ZC3H13: variants seen among roughly 807,000 people sequenced by gnomAD.
The protein encoded by ZC3H13 is zinc finger CCCH domain-containing protein 13.
ZC3H13 carries 64 observed loss-of-function variants against 204.1 expected under a neutral mutation model. That is an observed-to-expected ratio of 0.31 (90% CI 0.26 to 0.39). The LOEUF (loss-of-function observed/expected upper bound fraction) is 0.39. Ranked by LOEUF, ZC3H13 falls within the 10% of genes least tolerant of loss-of-function variation. The probability of loss-of-function intolerance (pLI) is 1.00; values close to 1 mark genes in which losing one functional copy is unlikely to be tolerated. For missense variants in ZC3H13, 1,833 were observed against 2,082.7 expected, an observed-to-expected ratio of 0.88 and a Z score of 2.33; for synonymous variants, 667 against 693.7, an observed-to-expected ratio of 0.96 and a Z score of 0.60.
At position 46,015,710 on chromosome 13, in the gene ZC3H13, A is replaced by G. The variant is rs1159438442; in HGVS notation, c.449-4156T>C. ...GTGGGGCCTGGAAATACAAAGAGTAACCAGATAATCAAAAGTTTTATAGGC... is the reference window on the plus strand; with the variant it reads ...GTGGGGCCTGGAAATACAAAGAGTAGCCAGATAATCAAAAGTTTTATAGGC... On this transcript the variant is annotated intron_variant, in intron 5 of 18. Transcript: ENST00000679008. 5.3e-5 allele frequency among the ~76,000 whole-genome samples: 8 copies of G among 152,262 alleles called. No homozygotes were observed. The South Asian group carries it at 1.2e-3, about 24-fold the overall frequency.
intron 7 of ZC3H13, 154 bp downstream of exon 7, chr13:46,010,194 T>C (rs2041448169): frequency 4.1e-6 from 3 of 724,622 alleles, no homozygotes; most frequent in South Asian, 9.6e-5. Context: ...TATAATTGTC[T>C]TTTTAATTGA....
chr13:46,016,078 A>C (rs1362296712), intron 5 of ZC3H13, among the ~76,000 whole-genome samples: 1 of 152,160 alleles, frequency 6.6e-6, no homozygotes, highest in Non-Finnish European at 1.5e-5. Flanking sequence ...ACAGTAAGAT[A>C]CTACTACAAA....
chr13:46,003,372 A>C (rs752278668), intron 7 of ZC3H13, 36 bp from the exon 8 acceptor site: 9 of 1,569,480 alleles, frequency 5.7e-6, no homozygotes, highest in South Asian at 1.2e-5. Flanking sequence ...AGAGGTTCAA[A>C]TATGCCAAAA....
Position 45,980,009 on chromosome 13 carries a change from AC to A in ZC3H13, c.1721-6del, listed in dbSNP as rs1408376963. 1 of 1,589,500 alleles carries A rather than the reference AC, an allele frequency of 6.3e-7. No homozygotes were observed. The highest frequency in any genetic ancestry group is 2.3e-5 in the East Asian group (1 of 44,188). ...AACCTCTTGAGCCTCGACTTCCTAA[AC>A]AAAGGATAGACACACAAATGTTTAC... On this transcript the variant is annotated splice_region_variant and splice_polypyrimidine_tract_variant and intron_variant, in intron 10 of 18. Coordinates refer to ENST00000679008, the MANE Select transcript of ZC3H13 (RefSeq NM_001330564.2).
chr13:46,010,471 G>A lies in ZC3H13; in HGVS notation c.623C>T (p.Pro208Leu), dbSNP rs201401739. 48 of 1,613,356 alleles carry A rather than the reference G, an allele frequency of 3.0e-5. No individual in the cohort carries two copies. Among genetic ancestry groups the A allele is most frequent in the East Asian group, 6.7e-5 (3 of 44,876 alleles). The change falls in exon 7 of 19, where the codon CCG becomes CTG. Residue 208 changes from proline (P) to leucine (L), a missense_variant. Physicochemically the swap from Pro to Leu is moderately conservative, Grantham distance 98 (BLOSUM62 -3). Transcript: ENST00000679008. ...SPEVVRSKLS[P>L]SPSLRKSSKS... ...GCTAGACTTTCTTAGAGAAGGTGAC[G>A]GGGACAATTTTGATCTAACCACTTC...
chr13:46,027,906 C>CA (rs2042638988), intron 4 of ZC3H13, among the ~76,000 whole-genome samples: 1 of 151,942 alleles, frequency 6.6e-6, no homozygotes, highest in Non-Finnish European at 1.5e-5. Context: ...CAAGTGAGAA[C>CA]AAAAACAGGA....
intron 7 of ZC3H13, among the ~76,000 whole-genome samples, chr13:46,008,680 T>TG (rs2041330973): frequency 6.6e-6 from 1 of 152,080 alleles, no homozygotes; most frequent in Admixed American, 6.6e-5. Context: ...TGCAGTTTAT[T>TG]GGGGAAATGA....
intron 8 of ZC3H13, among the ~76,000 whole-genome samples, chr13:45,989,567 C>T (rs2039820269): frequency 2.6e-5 from 4 of 152,120 alleles, no homozygotes. Flanking sequence ...ACAAAAAGTC[C>T]ACGCTGCATG....
intron 4 of ZC3H13, among the ~76,000 whole-genome samples, chr13:46,039,765 C>T (rs2043448784): frequency 6.6e-6 from 1 of 152,130 alleles, no homozygotes; most frequent in Non-Finnish European, 1.5e-5. Context: ...AGGTTATTTA[C>T]ATTTTGTGTG....
At chr13:46,037,120 T>C (rs1175981213) in intron 4 of ZC3H13, among the ~76,000 whole-genome samples, 1 of 152,148 alleles carries the variant, frequency 6.6e-6, no homozygotes, top group Non-Finnish European at 1.5e-5. Flanking sequence ...AAATGAATGG[T>C]GGTATCAGTT....
intron 4 of ZC3H13, among the ~76,000 whole-genome samples, chr13:46,039,986 T>C (rs1315966668): frequency 6.6e-6 from 1 of 152,144 alleles, no homozygotes; most frequent in African/African-American, 2.4e-5. Context: ...GCATCTGTTA[T>C]TCTGAATCAA....
chr13:46,027,800 G>C (rs2042632892), intron 4 of ZC3H13, among the ~76,000 whole-genome samples: 2 of 152,042 alleles, frequency 1.3e-5, no homozygotes, highest in South Asian at 4.1e-4. Flanking sequence ...AAAAAAAGTA[G>C]AAAGAAGTAT....
intron 4 of ZC3H13, among the ~76,000 whole-genome samples, chr13:46,027,899 G>A (rs1184672126): frequency 6.6e-6 from 1 of 152,156 alleles, no homozygotes; most frequent in Admixed American, 6.5e-5. Flanking sequence ...CACAAAACAA[G>A]TGAGAACAAA....
intron 17 of ZC3H13, chr13:45,963,205 T>C: frequency 2.0e-6 from 2 of 983,724 alleles, no homozygotes; most frequent in Non-Finnish European, 2.4e-6. Context: ...GTGTGCCTAC[T>C]GAAATCCAGA....
chr13:46,016,282 G>T (rs2041903745), intron 5 of ZC3H13, among the ~76,000 whole-genome samples: 1 of 152,064 alleles, frequency 6.6e-6, no homozygotes, highest in Non-Finnish European at 1.5e-5. Flanking sequence ...TTTAAGAATA[G>T]TAATAGCACC....
intron 8 of ZC3H13, among the ~76,000 whole-genome samples, chr13:45,995,788 T>G (rs1477193570): frequency 6.6e-6 from 1 of 152,220 alleles, no homozygotes; most frequent in Non-Finnish European, 1.5e-5. Flanking sequence ...TGCAGAACCA[T>G]GAGCCAATTA....
intron 11 of ZC3H13, chr13:45,976,132 A>C (rs1953029317): frequency 1.0e-6 from 1 of 965,854 alleles, no homozygotes; most frequent in African/African-American, 1.9e-5. Context: ...TCCCTACCCT[A>C]CCTCCAGCCC....
rs776668848 is a variant in ZC3H13 at position 45,985,617 on chromosome 13, C to T, written c.1400G>A (p.Arg467Gln). ...GTCTCTGGAGTCTCTTAGTTCCCTT[C>T]GGTCCCTAGTATCTCTGGCATCTCT... The part of the protein sequence containing the change: ...DRRDARDTRD[R>Q]RELRDSRDMR... The change falls in exon 10 of 19, where the codon CGA becomes CAA. Residue 467 changes from arginine to glutamine, a missense_variant. By Grantham distance (43) the Arg-to-Gln change is conservative. Around this residue, in one of 5 missense-constraint regions of ZC3H13, gnomAD observed 1,574 missense variants for 1,757.2 expected, o/e 0.90. Transcript: ENST00000679008. 11 of 1,613,964 alleles carry T rather than the reference C, an allele frequency of 6.8e-6. No individual in the cohort carries two copies. Among genetic ancestry groups the T allele is most frequent in the Middle Eastern group, 1.6e-4 (1 of 6,062 alleles).
At chr13:46,051,816 AATT>A (rs2044445422) in intron 1 of ZC3H13, 1 of 152,142 alleles carries the variant, frequency 6.6e-6, no homozygotes, top group Non-Finnish European at 1.5e-5. Context: ...AACTCTAAAT[AATT>A]TTCAAACCAC....
Sources: allele counts gnomAD v4.1 joint callset (sites outside exome capture counted in the v4.1 genomes callset), GRCh38; gene constraint gnomAD v4.1.1; regional missense constraint gnomAD v4.1.1; transcripts MANE v1.5; gene names NCBI Gene and HGNC (gene_info 2026-07-23, HGNC 2026-07-21).